RYR2: variants seen among roughly 807,000 people sequenced by gnomAD.
The protein encoded by RYR2 is ryanodine receptor 2.
RYR2 carries 227 observed loss-of-function variants against 601.1 expected under a neutral mutation model. The ratio of observed to expected loss-of-function variants is 0.38; its 90% CI spans 0.34 to 0.42. The LOEUF is 0.42. Ranked by LOEUF, RYR2 falls within the 10% of genes least tolerant of loss-of-function variation. The probability of loss-of-function intolerance (pLI) is 1.00; values close to 1 mark genes in which losing one functional copy is unlikely to be tolerated. For missense variants in RYR2, 4,646 were observed against 6,156.5 expected, an observed-to-expected ratio of 0.75 and a Z score of 8.21; for synonymous variants, 2,223 against 2,175.1, an observed-to-expected ratio of 1.02 and a Z score of -0.61.
At chr1:237,436,518 C>T (rs1006888274) in intron 12 of RYR2, among the ~76,000 whole-genome samples, 11 of 127,958 alleles carry the variant, frequency 8.6e-5, no homozygotes, top group African/African-American at 3.1e-4. Context: ...CCTGGCCTGG[C>T]CTGTCAGTAC....
chr1:237,208,207 C>T (rs901555273), intron 1 of RYR2, among the ~76,000 whole-genome samples: 4 of 152,194 alleles, frequency 2.6e-5, no homozygotes, highest in Admixed American at 1.3e-4. Context: ...TTGAAGTTAT[C>T]GCTGGTAACC....
chr1:237,549,467 A>T (rs1054876693), intron 26 of RYR2, among the ~76,000 whole-genome samples: 1 of 151,834 alleles, frequency 6.6e-6, no homozygotes, highest in African/African-American at 2.4e-5. Flanking sequence ...CCAGCTACTC[A>T]GGGGGCTGAG....
intron 11 of RYR2, among the ~76,000 whole-genome samples, chr1:237,418,577 G>T (rs1705242013): frequency 6.6e-6 from 1 of 152,018 alleles, no homozygotes; most frequent in Non-Finnish European, 1.5e-5. Context: ...AAAATAAAAT[G>T]GTTACATCAC....
chr1:237,444,828 A>T (rs1447288727), intron 13 of RYR2, among the ~76,000 whole-genome samples: 5 of 152,210 alleles, frequency 3.3e-5, no homozygotes. Flanking sequence ...AAAGAAATAT[A>T]TGTATACATT....
At chr1:237,408,392 T>TTTTATATATATATATATA (rs1558768406) in intron 10 of RYR2, among the ~76,000 whole-genome samples, 3 of 62,634 alleles carry the variant, frequency 4.8e-5, no homozygotes, top group Admixed American at 3.4e-4. Flanking sequence ...TCTAGATTCT[T>TTTTATATATATATATATA]TATATATATA....
At chr1:237,119,688 A>G (rs1670561215) in intron 1 of RYR2, among the ~76,000 whole-genome samples, 1 of 152,186 alleles carries the variant, frequency 6.6e-6, no homozygotes, top group African/African-American at 2.4e-5. Context: ...TAAATGCAGA[A>G]GTCAGGACCA....
intron 1 of RYR2, among the ~76,000 whole-genome samples, chr1:237,164,702 G>T (rs1470733288): frequency 6.6e-6 from 1 of 152,102 alleles, no homozygotes; most frequent in Admixed American, 6.5e-5. Context: ...AAAGGTCACG[G>T]CAACCTCTTA....
intron 25 of RYR2, among the ~76,000 whole-genome samples, chr1:237,540,220 C>T (rs533889790): frequency 6.6e-6 from 1 of 152,118 alleles, no homozygotes; most frequent in African/African-American, 2.4e-5. Flanking sequence ...ACAATCCACT[C>T]ACTCCAAGAG....
At chr1:237,688,915 A>G (rs1686689939) in intron 63 of RYR2, among the ~76,000 whole-genome samples, 1 of 152,128 alleles carries the variant, frequency 6.6e-6, no homozygotes, top group African/African-American at 2.4e-5. Context: ...GTTATACCTC[A>G]TATAATTTCC....
chr1:237,619,693 T>C (rs1248637050), intron 38 of RYR2, among the ~76,000 whole-genome samples: 1 of 150,824 alleles, frequency 6.6e-6, no homozygotes, highest in Non-Finnish European at 1.5e-5. Context: ...TCTGAAAAAA[T>C]TAAAGACGGA....
intron 1 of RYR2, among the ~76,000 whole-genome samples, chr1:237,090,308 G>A (rs1356761120): frequency 6.6e-6 from 1 of 152,116 alleles, no homozygotes; most frequent in East Asian, 1.9e-4. Flanking sequence ...TACTTTACAT[G>A]GCAAAAGGGA....
At chr1:237,567,892 T>C (rs1672261399) in intron 28 of RYR2, among the ~76,000 whole-genome samples, 1 of 151,600 alleles carries the variant, frequency 6.6e-6, no homozygotes, top group African/African-American at 2.4e-5. Context: ...GTTGACCCAC[T>C]TAGTTTTGAA....
intron 35 of RYR2, among the ~76,000 whole-genome samples, chr1:237,603,139 C>A (rs150674509): frequency 0.036 from 5,503 of 152,224 alleles, 185 homozygotes; most frequent in African/African-American, 0.088. Context: ...TAGCCAAATG[C>A]CTAGTCATCT....
intron 1 of RYR2, among the ~76,000 whole-genome samples, chr1:237,261,249 G>A (rs780088368): frequency 6.6e-5 from 10 of 152,154 alleles, no homozygotes; most frequent in African/African-American, 2.4e-4. Flanking sequence ...CTGAATGGTT[G>A]CAGTGACCCC....
chr1:237,604,867 A>G (rs552718992), intron 35 of RYR2, among the ~76,000 whole-genome samples: 7 of 152,268 alleles, frequency 4.6e-5, no homozygotes, highest in Non-Finnish European at 7.4e-5. Flanking sequence ...CCAAGACTAA[A>G]CCAGGAAGAA....
At chr1:237,472,343 G>A (rs1461081281) in intron 17 of RYR2, among the ~76,000 whole-genome samples, 3 of 152,132 alleles carry the variant, frequency 2.0e-5, no homozygotes, top group Non-Finnish European at 2.9e-5. Flanking sequence ...AGTAGAAAAG[G>A]GATCAAAAGT....
intron 101 of RYR2, among the ~76,000 whole-genome samples, chr1:237,824,665 G>A (rs190303445): frequency 3.3e-5 from 5 of 152,254 alleles, no homozygotes; most frequent in Non-Finnish European, 7.4e-5. Context: ...CATGGTGTTG[G>A]AAGTCCTGGC....
At chr1:237,166,440 T>C (rs1292921278) in intron 1 of RYR2, among the ~76,000 whole-genome samples, 1 of 152,228 alleles carries the variant, frequency 6.6e-6, no homozygotes, top group Non-Finnish European at 1.5e-5. Flanking sequence ...TGCTATTCTT[T>C]ACAATAAAAT....
chr1:237,572,391 C>A (rs1489854926), intron 29 of RYR2, among the ~76,000 whole-genome samples: 1 of 152,136 alleles, frequency 6.6e-6, no homozygotes, highest in African/African-American at 2.4e-5. Flanking sequence ...CACAGATTTG[C>A]AGAATGCTCA....
Sources: allele counts gnomAD v4.1 joint callset (sites outside exome capture counted in the v4.1 genomes callset), GRCh38; gene constraint gnomAD v4.1.1; transcripts MANE v1.5; gene names NCBI Gene and HGNC (gene_info 2026-07-23, HGNC 2026-07-21).